The following FRAS1 variants were observed in gnomAD, a reference collection of about 807,000 sequenced individuals.
FRAS1 encodes the protein Fraser extracellular matrix complex subunit 1, also known as extracellular matrix organizing protein FRAS1.
FRAS1 carries 290 observed loss-of-function variants against 435.2 expected under a neutral mutation model. That is an observed-to-expected ratio of 0.67 (90% confidence interval 0.61 to 0.73). The LOEUF (loss-of-function observed/expected upper bound fraction) is 0.73. Ranked by LOEUF, FRAS1 falls within the 30% of genes least tolerant of loss-of-function variation. The probability of loss-of-function intolerance (pLI) is 0.00; values close to 1 mark genes in which losing one functional copy is unlikely to be tolerated. For synonymous variants in FRAS1, 1,800 were observed against 1,851.0 expected (o/e 0.97, Z 0.71); for missense variants, 4,860 against 5,001.5 (o/e 0.97, Z 0.85).
chr4:78,456,131 CAT>C (rs931078259), intron 47 of FRAS1, among the ~76,000 whole-genome samples: 21 of 118,832 alleles, frequency 1.8e-4, no homozygotes, highest in African/African-American at 4.6e-4. Context: ...TTGAAGAACA[CAT>C]GTCACTTTTT....
In FRAS1 at chr4:78,534,463, T is replaced by C. The variant is rs766459633; in HGVS notation, c.10940T>C (p.Ile3647Thr). ...CTTGCATTTAGATTCCTGATACCCA[T>C]TGCATTCCAGCAGACCAACCGCCCT... ...AHAPERFLIPIAFQQTNRPVP... is the reference protein window; with the variant it reads ...AHAPERFLIPTAFQQTNRPVP... The change falls in exon 71 of 74, where the codon ATT becomes ACT. Residue 3647 changes from isoleucine (I) to threonine (T), a missense_variant. Physicochemically the swap from Ile to Thr is moderately conservative, Grantham distance 89. Coordinates refer to ENST00000512123, the MANE Select transcript of FRAS1 (RefSeq NM_025074.7). 1.9e-5 allele frequency: 31 copies of C among 1,612,506 alleles called. No individual in the cohort carries two copies. The highest frequency in any genetic ancestry group is 2.6e-5 in the Non-Finnish European group (31 of 1,179,166).
intron 1 of FRAS1, among the ~76,000 whole-genome samples, chr4:78,063,993 G>C (rs1347665866): frequency 1.3e-5 from 2 of 151,854 alleles, no homozygotes; most frequent in African/African-American, 4.8e-5. Context: ...GTGTTCATAT[G>C]TATTTATTTG....
chr4:78,259,101 T>C (rs1449747117), intron 6 of FRAS1, among the ~76,000 whole-genome samples: 1 of 91,130 alleles, frequency 1.1e-5, no homozygotes, highest in East Asian at 2.8e-4. Flanking sequence ...TAATCCAGTC[T>C]ATCATTGTTG....
intron 29 of FRAS1, among the ~76,000 whole-genome samples, chr4:78,394,797 T>C (rs1323520067): frequency 6.6e-6 from 1 of 152,030 alleles, no homozygotes; most frequent in African/African-American, 2.4e-5. Context: ...CTTTGGGTAG[T>C]ATGGACATTT....
intron 69 of FRAS1, among the ~76,000 whole-genome samples, chr4:78,523,877 C>T (rs10020703): frequency 0.38 from 57,722 of 151,774 alleles, 11,194 homozygotes; most frequent in South Asian, 0.54. Context: ...TCTGGTTTCA[C>T]GTGAAACCCA....
At chr4:78,297,749 T>G (rs1362965469) in intron 14 of FRAS1, among the ~76,000 whole-genome samples, 1 of 152,154 alleles carries the variant, frequency 6.6e-6, no homozygotes, top group African/African-American at 2.4e-5. Flanking sequence ...ATTTAAGCCC[T>G]GTGTGATCTG....
At chr4:78,305,434 G>A (rs1398536514) in intron 14 of FRAS1, among the ~76,000 whole-genome samples, 13 of 150,464 alleles carry the variant, frequency 8.6e-5, no homozygotes, top group Non-Finnish European at 1.2e-4. Context: ...TTTCTGTCTC[G>A]TTGATCTGTC....
chr4:78,096,416 C>T (rs1430911542), intron 2 of FRAS1, among the ~76,000 whole-genome samples: 2 of 152,196 alleles, frequency 1.3e-5, no homozygotes, highest in Non-Finnish European at 2.9e-5. Flanking sequence ...CTAGAAGGTA[C>T]CCCAGTAGGG....
At chr4:78,072,198 T>C (rs1473545057) in intron 2 of FRAS1, 1 of 152,164 alleles carries the variant, frequency 6.6e-6, no homozygotes, top group Admixed American at 6.6e-5. Flanking sequence ...CAGAAAAAGA[T>C]TTGAGAACTT....
At chr4:78,523,692 G>A (rs542690906) in intron 69 of FRAS1, among the ~76,000 whole-genome samples, 3 of 152,096 alleles carry the variant, frequency 2.0e-5, no homozygotes, top group East Asian at 3.9e-4. Context: ...TATTTTTATT[G>A]TATAGTGATT....
intron 14 of FRAS1, among the ~76,000 whole-genome samples, chr4:78,288,833 C>T (rs1482724049): frequency 6.6e-6 from 1 of 152,184 alleles, no homozygotes; most frequent in African/African-American, 2.4e-5. Context: ...AATATTCATG[C>T]TTGTACCACT....
Position 78,522,585 on chromosome 4 carries a change from A to G in FRAS1, c.10649-64A>G, listed in dbSNP as rs1721418856. ...TCTCAGGCTTTTGTGGGGCTCTACCAGGTACAGTCAAACTAAAGCTCTACC... is the reference window on the plus strand; with the variant it reads ...TCTCAGGCTTTTGTGGGGCTCTACCGGGTACAGTCAAACTAAAGCTCTACC... On this transcript the variant is annotated intron_variant, in intron 68 of 73. Coordinates refer to ENST00000512123, the MANE Select transcript of FRAS1 (RefSeq NM_025074.7). 6.7e-5 allele frequency: 91 copies of G among 1,352,446 alleles called. 1 individual carries two copies. The South Asian group carries it at 9.0e-4, about 13-fold the overall frequency. 83.8% of individuals were successfully genotyped at this position (1,352,446 alleles called of 1,614,324 possible). A position where few individuals can be genotyped will look rare whatever the true frequency, so the allele number is the denominator to read the frequency against.
intron 48 of FRAS1, 77 bp from the exon 49 acceptor site, chr4:78,464,366 G>A: frequency 1.3e-6 from 2 of 1,574,724 alleles, no homozygotes; most frequent in East Asian, 2.2e-5. Flanking sequence ...AAAGAGAAAA[G>A]TAGAGAGCAC....
At chr4:78,394,653 T>A (rs926831712) in intron 29 of FRAS1, among the ~76,000 whole-genome samples, 1 of 152,050 alleles carries the variant, frequency 6.6e-6, no homozygotes, top group Non-Finnish European at 1.5e-5. Flanking sequence ...GGCCACCAGC[T>A]TTGTTCTTGC....
intron 2 of FRAS1, among the ~76,000 whole-genome samples, chr4:78,123,355 T>C (rs1334505146): frequency 6.6e-6 from 1 of 152,170 alleles, no homozygotes; most frequent in Admixed American, 6.5e-5. Flanking sequence ...TTGGTACCAG[T>C]ACCGTGCTGT....
rs550708014 is a variant in FRAS1, at chr4:78,233,805, T to C, written c.109-3705T>C. Among the ~76,000 whole-genome samples, 25 of 152,352 alleles carry C rather than the reference T, an allele frequency of 1.6e-4. 1 individual carries two copies. The South Asian group carries it at 5.2e-3, about 32-fold the overall frequency. On this transcript the variant is annotated intron_variant, in intron 2 of 73. Transcript: ENST00000512123. ...AGTCTGTCTCCAGAGCCTGAGTCCTTAGGTCTCCTAACAACTCTGTGAACT... is the reference window on the plus strand; with the variant it reads ...AGTCTGTCTCCAGAGCCTGAGTCCTCAGGTCTCCTAACAACTCTGTGAACT...
rs554746710 is a variant in FRAS1 at position 78,282,930 on chromosome 4, A to T, written c.1218A>T (p.Leu406Phe). ...CATGTCCAGTGGGCACACTGGCCTT[A>T]GAGGTGAAGGGACAGTGCTGTCCAG... ...CPPCPVGTLA[L>F]EVKGQCCPDC... Residue 406 changes from leucine (L) to phenylalanine (F), a missense_variant, in exon 12 of 74, where the codon TTA becomes TTT. Leu to Phe is a conservative substitution (Grantham distance 22). Coordinates refer to ENST00000512123, the MANE Select transcript of FRAS1 (RefSeq NM_025074.7). 17 of 1,608,622 alleles carry T rather than the reference A, an allele frequency of 1.1e-5. No individual in the cohort carries two copies. Among genetic ancestry groups the T allele is most frequent in the Non-Finnish European group, 1.4e-5 (17 of 1,177,824 alleles).
chr4:78,305,502 T>A (rs1215603014), intron 14 of FRAS1, among the ~76,000 whole-genome samples: 1 of 149,256 alleles, frequency 6.7e-6, no homozygotes, highest in Non-Finnish European at 1.5e-5. Context: ...AGTCTAAGTC[T>A]CTTTGTAGGT....
At chr4:78,447,901 A>G (rs991088749) in intron 43 of FRAS1, among the ~76,000 whole-genome samples, 152 bp from the exon 44 acceptor site, 4 of 152,196 alleles carry the variant, frequency 2.6e-5, no homozygotes, top group African/African-American at 7.2e-5. Flanking sequence ...CTGTGGTTAT[A>G]TGTAAAATGC....
Sources: allele counts gnomAD v4.1 joint callset (sites outside exome capture counted in the v4.1 genomes callset), GRCh38; gene constraint gnomAD v4.1.1; transcripts MANE v1.5; gene names NCBI Gene and HGNC (gene_info 2026-07-23, HGNC 2026-07-21).